The following TNNI3K variants were observed in gnomAD, a reference collection of about 807,000 sequenced individuals.
TNNI3K encodes the protein serine/threonine-protein kinase TNNI3K.
In TNNI3K, 140 loss-of-function variants were observed where a neutral mutation model predicts 114.5. That is an observed-to-expected ratio of 1.22 (90% CI 1.07 to 1.41). TNNI3K has a LOEUF of 1.41. Among genes scored for constraint, TNNI3K ranks in the 40% most tolerant of loss-of-function variants. TNNI3K has a pLI of 0.00. For missense variants in TNNI3K, 1,125 were observed against 1,007.6 expected (o/e 1.12, Z -1.58); for synonymous variants, 347 against 347.5 (o/e 1.00, Z 0.02).
chr1:74,526,794 A>T (rs1646509045), intron 23 of TNNI3K, among the ~76,000 whole-genome samples: 1 of 152,198 alleles, frequency 6.6e-6, no homozygotes, highest in African/African-American at 2.4e-5. Flanking sequence ...GGAGAGCAAC[A>T]CGTATAGGAC....
intron 11 of TNNI3K, among the ~76,000 whole-genome samples, chr1:74,356,776 C>T (rs1384894651): frequency 1.3e-5 from 2 of 152,142 alleles, no homozygotes; most frequent in East Asian, 3.9e-4. Context: ...TATGAAATGT[C>T]AACAAAGATC....
At chr1:74,542,060 G>A (rs1380636698) in intron 24 of TNNI3K, among the ~76,000 whole-genome samples, 1 of 152,134 alleles carries the variant, frequency 6.6e-6, no homozygotes, top group Non-Finnish European at 1.5e-5. Flanking sequence ...AAAACCTATG[G>A]TCAAATTTCA....
chr1:74,262,040 T>C (rs1480106796), intron 4 of TNNI3K, among the ~76,000 whole-genome samples: 1 of 152,116 alleles, frequency 6.6e-6, no homozygotes, highest in African/African-American at 2.4e-5. Context: ...AATCATTGTA[T>C]TAATATCTTT....
At chr1:74,463,357 T>C (rs985239519) in intron 20 of TNNI3K, 84 bp from the exon 21 acceptor site, 20 of 1,431,646 alleles carry the variant, frequency 1.4e-5, no homozygotes, top group Non-Finnish European at 2.0e-5. Context: ...TGATTTTTAA[T>C]GCCTTTTTGT....
chr1:74,325,485 G>A (rs1213253476), intron 5 of TNNI3K, among the ~76,000 whole-genome samples: 1 of 152,152 alleles, frequency 6.6e-6, no homozygotes, highest in Non-Finnish European at 1.5e-5. Flanking sequence ...TGTGTCCCTG[G>A]TGACTAAGTC....
At chr1:74,327,663 TTA>T (rs1659985005) in intron 5 of TNNI3K, among the ~76,000 whole-genome samples, 1 of 31,004 alleles carries the variant, frequency 3.2e-5, no homozygotes, top group Non-Finnish European at 2.1e-4. Context: ...ATCAGTACTA[TTA>T]TTATTAAATA....
At chr1:74,290,324 T>A (rs1032049013) in intron 5 of TNNI3K, among the ~76,000 whole-genome samples, 1 of 151,492 alleles carries the variant, frequency 6.6e-6, no homozygotes, top group Admixed American at 6.6e-5. Context: ...ATAATATTTG[T>A]AATTGAAAAA....
At chr1:74,463,412 CA>C in intron 20 of TNNI3K, 28 bp from the exon 21 acceptor site, 2 of 1,612,398 alleles carry the variant, frequency 1.2e-6, no homozygotes, top group South Asian at 2.2e-5. Flanking sequence ...ATGTGAATTT[CA>C]AAACTGACAT....
rs555804268 is a variant in TNNI3K, at chr1:74,253,805, C to T, written c.333+3036C>T. Among the ~76,000 whole-genome samples, 433 of 152,298 alleles carry T rather than the reference C, an allele frequency of 2.8e-3. 4 individuals are homozygous for T. The highest frequency in any genetic ancestry group is 9.9e-3 in the African/African-American group (410 of 41,582). On this transcript the variant is annotated intron_variant, in intron 4 of 24. Transcript: ENST00000326637. Reference sequence around the variant, plus strand: ...CCAGGAAGGGGCTCCCACAGTGCAGCAGCGGGCTGAAGGGCTCCTCAAGTG... The same window carrying T: ...CCAGGAAGGGGCTCCCACAGTGCAGTAGCGGGCTGAAGGGCTCCTCAAGTG...
chr1:74,409,840 G>A (rs916910873), intron 17 of TNNI3K, among the ~76,000 whole-genome samples: 2 of 151,900 alleles, frequency 1.3e-5, no homozygotes, highest in Non-Finnish European at 2.9e-5. Flanking sequence ...CAAATTGTGG[G>A]GTGTAGGGAT....
chr1:74,305,873 T>C lies in TNNI3K; in HGVS notation c.445-25577T>C, dbSNP rs1349633207. On this transcript the variant is annotated intron_variant, in intron 5 of 24. Transcript: ENST00000326637. Reference sequence around the variant, plus strand: ...TATGGAACCAAAGCTTATTCTTTCTTCTTACTATTTTTAAAATTTTAGTTT... The same window carrying C: ...TATGGAACCAAAGCTTATTCTTTCTCCTTACTATTTTTAAAATTTTAGTTT... Among the ~76,000 whole-genome samples, 4 of 152,192 alleles carry C rather than the reference T, an allele frequency of 2.6e-5. No individual in the cohort carries two copies. The East Asian group carries it at 7.7e-4, about 29-fold the overall frequency.
At chr1:74,431,928 CATA>C (rs1173345582) in intron 17 of TNNI3K, among the ~76,000 whole-genome samples, 1 of 152,104 alleles carries the variant, frequency 6.6e-6, no homozygotes, top group African/African-American at 2.4e-5. Flanking sequence ...TTACTCTAAG[CATA>C]AAGGACTAGT....
chr1:74,450,677 C>G (rs963929828), intron 20 of TNNI3K, among the ~76,000 whole-genome samples: 1 of 152,080 alleles, frequency 6.6e-6, no homozygotes, highest in African/African-American at 2.4e-5. Flanking sequence ...TAGAGAAACG[C>G]AGATCAAAAC....
intron 9 of TNNI3K, among the ~76,000 whole-genome samples, chr1:74,350,705 C>G (rs1661290678): frequency 6.6e-6 from 1 of 152,016 alleles, no homozygotes; most frequent in African/African-American, 2.4e-5. Flanking sequence ...GAATTGATCC[C>G]TTTACCATTA....
intron 4 of TNNI3K, among the ~76,000 whole-genome samples, chr1:74,252,105 G>A (rs1012368573): frequency 3.3e-5 from 5 of 152,112 alleles, no homozygotes; most frequent in South Asian, 4.1e-4. Flanking sequence ...GAACCTCACC[G>A]TCTGGGAGAT....
intron 5 of TNNI3K, among the ~76,000 whole-genome samples, chr1:74,310,418 C>A (rs1413811904): frequency 6.6e-6 from 1 of 152,136 alleles, no homozygotes; most frequent in Non-Finnish European, 1.5e-5. Flanking sequence ...AGATTCAGTG[C>A]AATTCCTTTC....
At chr1:74,411,286 A>G (rs1029727597) in intron 17 of TNNI3K, among the ~76,000 whole-genome samples, 1 of 152,212 alleles carries the variant, frequency 6.6e-6, no homozygotes, top group Non-Finnish European at 1.5e-5. Flanking sequence ...AATTATCATC[A>G]TTATAAACCA....
chr1:74,367,923 C>T lies in TNNI3K; in HGVS notation c.1280C>T (p.Ser427Phe). 1 of 1,577,430 alleles carries T rather than the reference C, an allele frequency of 6.3e-7. No individual in the cohort carries two copies. Among genetic ancestry groups the T allele is most frequent in the African/African-American group, 1.4e-5 (1 of 72,130 alleles). ...SQPGGDGSYVSVPSPLGKIKS... is the reference protein window; with the variant it reads ...SQPGGDGSYVFVPSPLGKIKS... The stretch of plus-strand genomic sequence containing the variant: ...TAATTTCTAGATGGCTCCTATGTGT[C>T]TGTTCCATCACCCTTGGGGAAGATT... Residue 427 changes from serine (S) to phenylalanine (F), a missense_variant, in exon 13 of 25, where the codon TCT (serine) becomes TTT (phenylalanine). By Grantham distance (155) the Ser-to-Phe change is radical. Transcript: ENST00000326637.
At chr1:74,261,949 A>ACCAG (rs1655700290) in intron 4 of TNNI3K, among the ~76,000 whole-genome samples, 1 of 152,136 alleles carries the variant, frequency 6.6e-6, no homozygotes, top group Non-Finnish European at 1.5e-5. Flanking sequence ...TGCCTGGCTT[A>ACCAG]CCAGACCTAG....
Sources: gnomAD v4.1 joint callset for allele counts (sites outside exome capture counted in the v4.1 genomes callset) on GRCh38, gnomAD v4.1.1 for gene constraint, MANE v1.5 for transcripts, NCBI Gene and HGNC (gene_info 2026-07-23, HGNC 2026-07-21) for gene names.